The following UTRN variants were observed in gnomAD, a reference collection of about 807,000 sequenced individuals.
UTRN encodes the protein utrophin.
A neutral mutation model predicts 463.9 loss-of-function variants in UTRN; 283 were observed. The observed-to-expected ratio is 0.61, with a 90% CI of 0.55 to 0.67. The LOEUF (loss-of-function observed/expected upper bound fraction) is 0.67, where lower values mean the gene tolerates loss of function less well. Ranked by LOEUF, UTRN falls within the 30% of genes least tolerant of loss-of-function variation. The probability of loss-of-function intolerance (pLI) is 0.00; values close to 1 mark genes in which losing one functional copy is unlikely to be tolerated. For missense variants in UTRN, 3,922 were observed against 4,084.3 expected (o/e 0.96, Z 1.08); for synonymous variants, 1,442 against 1,431.5 (o/e 1.01, Z -0.17).
At chr6:144,639,186 C>A (rs188791313) in intron 51 of UTRN, among the ~76,000 whole-genome samples, 2 of 152,190 alleles carry the variant, frequency 1.3e-5, no homozygotes, top group African/African-American at 2.4e-5. Flanking sequence ...TACCTCTCCC[C>A]AGATTTTACA....
At chr6:144,847,506 T>C (rs1317577681) in intron 74 of UTRN, among the ~76,000 whole-genome samples, 1 of 152,198 alleles carries the variant, frequency 6.6e-6, no homozygotes, top group East Asian at 1.9e-4. Flanking sequence ...CAGTCAATTA[T>C]GCATTTGTCT....
intron 34 of UTRN, among the ~76,000 whole-genome samples, chr6:144,507,022 A>G (rs1387301870): frequency 2.6e-5 from 4 of 151,848 alleles, no homozygotes; most frequent in East Asian, 3.9e-4. Context: ...TTGATCTTCA[A>G]TCTCTGATAT....
Position 144,754,801 on chromosome 6 carries a change from A to G in UTRN, c.8434+3A>G. The G allele has an allele frequency of 6.2e-7, 1 of 1,612,884 alleles. No homozygotes were observed. The highest frequency in any genetic ancestry group is 8.5e-7 in the Non-Finnish European group (1 of 1,179,328). On this transcript the variant is annotated splice_donor_region_variant and intron_variant, in intron 57 of 74. Transcript: ENST00000367545. ...ATCCTCTCAGCATTTTCTCTCTAGT[A>G]AGTACTAATAAACTGGACTGATCGC...
At chr6:144,724,074 A>G (rs1159580111) in intron 53 of UTRN, among the ~76,000 whole-genome samples, 1 of 151,232 alleles carries the variant, frequency 6.6e-6, no homozygotes, top group Non-Finnish European at 1.5e-5. Flanking sequence ...TGTTTTGTGT[A>G]AAAAACAGAA....
intron 50 of UTRN, among the ~76,000 whole-genome samples, chr6:144,574,867 C>T (rs1355391147): frequency 6.6e-6 from 1 of 152,166 alleles, no homozygotes; most frequent in Non-Finnish European, 1.5e-5. Context: ...CAGGCATGAG[C>T]CACTGTGCCC....
At chr6:144,673,554 T>C (rs927505267) in intron 51 of UTRN, among the ~76,000 whole-genome samples, 114 of 152,252 alleles carry the variant, frequency 7.5e-4, no homozygotes, top group African/African-American at 2.5e-3. Context: ...GGTGAGTCTC[T>C]TGAAGACAGC....
intron 51 of UTRN, among the ~76,000 whole-genome samples, chr6:144,660,534 A>C (rs1779769143): frequency 6.6e-6 from 1 of 152,158 alleles, no homozygotes; most frequent in Non-Finnish European, 1.5e-5. Context: ...TTTGTACTCA[A>C]GTCAGCTGGT....
chr6:144,686,831 C>A (rs1378026944), intron 52 of UTRN, among the ~76,000 whole-genome samples: 1 of 151,894 alleles, frequency 6.6e-6, no homozygotes, highest in Non-Finnish European at 1.5e-5. Context: ...GTGTTTTTAT[C>A]CATTCTGCCA....
At position 144,537,667 on chromosome 6, in the gene UTRN, A is replaced by C. The variant is rs372747165; in HGVS notation, c.6319A>C (p.Met2107Leu). 15 of 1,612,030 alleles carry C rather than the reference A, an allele frequency of 9.3e-6. No individual in the cohort carries two copies. The highest frequency in any genetic ancestry group is 1.7e-5 in the Admixed American group (1 of 59,668). The change falls in exon 44 of 75, where the codon ATG (methionine) becomes CTG (leucine). Residue 2107 changes from methionine to leucine, a missense_variant. Around this residue, in one of 3 missense-constraint regions of UTRN, gnomAD observed 2,349 missense variants for 2,303.8 expected, o/e 1.02. Transcript: ENST00000367545. Reference protein sequence around the residue: ...ICWLTKAEHAMQKRSTTELGE... With the variant: ...ICWLTKAEHALQKRSTTELGE... ...TTGGTTAACAAAGGCTGAGCATGCT[A>C]TGCAAAAGAGATCAACCACCGAATT...
intron 54 of UTRN, among the ~76,000 whole-genome samples, chr6:144,736,901 C>T (rs1390169130): frequency 6.6e-6 from 1 of 152,176 alleles, no homozygotes; most frequent in Non-Finnish European, 1.5e-5. Flanking sequence ...CCTGTAGGTC[C>T]TCTGACCTGA....
At chr6:144,599,779 C>A (rs934739653) in intron 51 of UTRN, among the ~76,000 whole-genome samples, 1 of 149,068 alleles carries the variant, frequency 6.7e-6, no homozygotes, top group African/African-American at 2.6e-5. Context: ...TTTCACTCTT[C>A]TTTTCTGTGT....
At chr6:144,734,168 C>T (rs7738329) in intron 54 of UTRN, among the ~76,000 whole-genome samples, 3,649 of 152,162 alleles carry the variant, frequency 0.024, 89 homozygotes, top group African/African-American at 0.059. Context: ...AAAATGAGCC[C>T]AGATGTCTCA....
chr6:144,706,813 A>G (rs965075604), intron 53 of UTRN: 3 of 152,192 alleles, frequency 2.0e-5, no homozygotes, highest in Non-Finnish European at 2.9e-5. Flanking sequence ...GCATGCATCA[A>G]TATGCTAAAT....
rs865871286 is a variant in UTRN, at chr6:144,772,875, G to A, written c.8557+907G>A. On this transcript the variant is annotated intron_variant, in intron 59 of 74. Transcript: ENST00000367545. The stretch of plus-strand genomic sequence containing the variant: ...TAAGTTTTCTCTTTGGGTAGCTAAG[G>A]AGATGCTGGAGGGAAAAACAGCACC... Among the ~76,000 whole-genome samples the A allele has an allele frequency of 2.6e-5, 4 of 152,064 alleles. No homozygotes were observed. The East Asian group carries it at 7.7e-4, about 29-fold the overall frequency.
At chr6:144,513,094 A>G (rs1795314901) in intron 35 of UTRN, among the ~76,000 whole-genome samples, 1 of 152,140 alleles carries the variant, frequency 6.6e-6, no homozygotes, top group African/African-American at 2.4e-5. Context: ...AGCACATTTC[A>G]TGTCCTGCTT....
intron 25 of UTRN, among the ~76,000 whole-genome samples, chr6:144,477,882 T>TCTAC (rs1322513194): frequency 2.6e-4 from 39 of 148,322 alleles, no homozygotes; most frequent in Non-Finnish European, 4.9e-4. Flanking sequence ...TATCTATCTA[T>TCTAC]CTATCTATCT....
intron 21 of UTRN, among the ~76,000 whole-genome samples, chr6:144,460,937 A>G (rs766206792): frequency 6.6e-6 from 1 of 152,244 alleles, no homozygotes; most frequent in Non-Finnish European, 1.5e-5. Context: ...TCAGAGAGAC[A>G]TTTCATCATG....
chr6:144,693,069 A>G (rs892779993), intron 52 of UTRN, among the ~76,000 whole-genome samples: 3 of 151,294 alleles, frequency 2.0e-5, no homozygotes, highest in East Asian at 1.9e-4. Context: ...TTATTTTTCT[A>G]TATGATATAA....
At chr6:144,733,507 CAAA>C (rs66466161) in intron 54 of UTRN, among the ~76,000 whole-genome samples, 5,001 of 105,278 alleles carry the variant, frequency 0.048, 297 homozygotes, top group African/African-American at 0.13. Context: ...AACTCCATCT[CAAA>C]AAAAAAAAAA....
Sources: allele counts gnomAD v4.1 joint callset (sites outside exome capture counted in the v4.1 genomes callset), GRCh38; gene constraint gnomAD v4.1.1; regional missense constraint gnomAD v4.1.1; transcripts MANE v1.5; gene names NCBI Gene and HGNC (gene_info 2026-07-23, HGNC 2026-07-21).